The following PLCG2 variants were observed in gnomAD, a reference collection of about 807,000 sequenced individuals.
The protein encoded by PLCG2 is 1-phosphatidylinositol 4,5-bisphosphate phosphodiesterase gamma-2.
Under a neutral mutation model 175.6 loss-of-function variants are expected in PLCG2, and 69 were observed. The ratio of observed to expected loss-of-function variants is 0.39; its 90% CI spans 0.32 to 0.48. The LOEUF (loss-of-function observed/expected upper bound fraction) is 0.48. Among genes scored for constraint, PLCG2 ranks in the 20% least tolerant of loss-of-function variants. The probability of loss-of-function intolerance (pLI) is 0.91; values close to 1 mark genes in which losing one functional copy is unlikely to be tolerated. For missense variants in PLCG2, 1,798 were observed against 1,650.9 expected, an observed-to-expected ratio of 1.09 and a Z score of -1.54; for synonymous variants, 827 against 624.0, an observed-to-expected ratio of 1.33 and a Z score of -4.85.
intron 32 of PLCG2, 90 bp downstream of exon 32, chr16:81,956,969 T>C (rs1911597509): frequency 1.8e-6 from 2 of 1,123,348 alleles, no homozygotes; most frequent in Admixed American, 2.2e-5. Context: ...TGGAAAGCCC[T>C]CTGAGTTGCT....
intron 19 of PLCG2, among the ~76,000 whole-genome samples, chr16:81,913,524 C>T (rs561659928): frequency 1.3e-5 from 2 of 152,368 alleles, no homozygotes; most frequent in African/African-American, 4.8e-5. Flanking sequence ...TCTCCAAAGC[C>T]TAAGCTCTTC....
At chr16:81,878,982 G>C (rs540215386) in intron 7 of PLCG2, among the ~76,000 whole-genome samples, 62 of 152,144 alleles carry the variant, frequency 4.1e-4, no homozygotes, top group Non-Finnish European at 7.3e-4. Flanking sequence ...GCAGGGAGTT[G>C]CAAGACCTGG....
At position 81,753,342 on chromosome 16, in the gene PLCG2, GTTTTTTT is replaced by G. The variant is rs34438350; in HGVS notation, c.-144-2510_-144-2504del. Among the ~76,000 whole-genome samples the G allele has an allele frequency of 4.3e-4, 39 of 91,126 alleles. 1 individual carries two copies. In the East Asian group the frequency reaches 5.9e-3, roughly 14 times the overall value. The allele number at this position is 91,126 out of a possible 152,430, so 59.8% of individuals were successfully genotyped here. ...CAGCATTGTGTTAAAGTCCTGGCAG[GTTTTTTT>G]TTTTTTTTTTTTTTTTTGTATTCTG... On this transcript the variant is annotated intron_variant, in intron 1 of 5. Coordinates refer to the PLCG2 transcript ENST00000565054.
intron 13 of PLCG2, 140 bp from the exon 14 acceptor site, chr16:81,900,472 G>C: frequency 1.6e-6 from 1 of 635,384 alleles, no homozygotes; most frequent in Non-Finnish European, 2.6e-6. Flanking sequence ...CTCTCCTTCT[G>C]GGAGGGCAGA....
chr16:81,839,053 TA>T (rs1905682785), intron 2 of PLCG2, among the ~76,000 whole-genome samples: 1 of 152,156 alleles, frequency 6.6e-6, no homozygotes, highest in Admixed American at 6.5e-5. Context: ...AGCAGACAAC[TA>T]TTTCTAGGTA....
intron 5 of PLCG2, among the ~76,000 whole-genome samples, chr16:81,865,847 G>T (rs1260562414): frequency 6.9e-6 from 1 of 145,368 alleles, no homozygotes; most frequent in Non-Finnish European, 1.5e-5. Flanking sequence ...TTGCTCCCAG[G>T]GTGAGCTCCA....
intron 1 of PLCG2, among the ~76,000 whole-genome samples, chr16:81,742,778 C>T (rs1272858436): frequency 2.0e-5 from 3 of 152,204 alleles, no homozygotes; most frequent in Non-Finnish European, 2.9e-5. Context: ...CCGGGAGCCT[C>T]ACTTCCCATC....
intron 2 of PLCG2, among the ~76,000 whole-genome samples, chr16:81,762,156 C>T (rs1164483641): frequency 6.6e-6 from 1 of 152,022 alleles, no homozygotes; most frequent in Admixed American, 6.6e-5. Context: ...ACTCTGTTTG[C>T]TTTGTCACAT....
chr16:81,879,446 T>C (rs1907972956), intron 7 of PLCG2, among the ~76,000 whole-genome samples: 1 of 152,198 alleles, frequency 6.6e-6, no homozygotes, highest in Non-Finnish European at 1.5e-5. Context: ...TGGTGGGACC[T>C]ACTCCTTTGA....
At chr16:81,876,025 TTTTTTTTTTTTTG>T (rs1225611827) in intron 7 of PLCG2, among the ~76,000 whole-genome samples, 2 of 144,592 alleles carry the variant, frequency 1.4e-5, no homozygotes, top group African/African-American at 2.5e-5. Flanking sequence ...TCTTTTTTTT[TTTTTTTTTTTTTG>T]TTTTTGAGAC....
intron 5 of PLCG2, among the ~76,000 whole-genome samples, chr16:81,867,680 C>T (rs1395133606): frequency 2.0e-5 from 3 of 152,006 alleles, no homozygotes; most frequent in African/African-American, 7.2e-5. Context: ...GGGACGTGTT[C>T]TCCCTTGCTT....
chr16:81,891,743 G>A (rs1597111862), intron 11 of PLCG2, among the ~76,000 whole-genome samples, 153 bp downstream of exon 11: 1 of 152,284 alleles, frequency 6.6e-6, no homozygotes, highest in East Asian at 1.9e-4. Context: ...AGAAGCTTCT[G>A]GAAGGGGCTG....
At position 81,962,460 on chromosome 16, in the gene PLCG2, G is replaced by GC. The variant is rs1431968348; in HGVS notation, c.*4464dup. 3 of 215,198 alleles carry GC rather than the reference G, an allele frequency of 1.4e-5. No homozygotes were observed. Among genetic ancestry groups the GC allele is most frequent in the Admixed American group, 5.8e-5 (1 of 17,142 alleles). 13.3% of individuals were successfully genotyped at this position (215,198 alleles called of 1,614,324 possible). A position where few individuals can be genotyped will look rare whatever the true frequency, so the allele number is the denominator to read the frequency against. On this transcript the variant is annotated 3_prime_UTR_variant, in exon 33 of 33. Coordinates refer to ENST00000564138, the MANE Select transcript of PLCG2 (RefSeq NM_002661.5). Reference sequence around the variant, plus strand: ...TGAAGAGCCAGATTCCAGTGATCCTGCCTCTCAGAAATTTCCACATTTCTT... The same window carrying GC: ...TGAAGAGCCAGATTCCAGTGATCCTGCCCTCTCAGAAATTTCCACATTTCTT...
chr16:81,912,804 C>A (rs772711027), intron 19 of PLCG2, 88 bp downstream of exon 19: 7 of 1,432,244 alleles, frequency 4.9e-6, no homozygotes, highest in African/African-American at 1.4e-5. Flanking sequence ...CAGGTGGAGG[C>A]TCACCTGCAG....
At chr16:81,812,855 G>C (rs1024571159) in intron 2 of PLCG2, among the ~76,000 whole-genome samples, 1 of 152,094 alleles carries the variant, frequency 6.6e-6, no homozygotes, top group African/African-American at 2.4e-5. Context: ...TTTTGTATAA[G>C]GTGTAAGGAA....
chr16:81,895,743 G>T (rs1426811284), intron 12 of PLCG2, 64 bp from the exon 13 acceptor site: 1 of 1,596,144 alleles, frequency 6.3e-7, no homozygotes, highest in Non-Finnish European at 8.6e-7. Context: ...TGTGGGCCGG[G>T]GGCTGACCTC....
At chr16:81,954,142 C>T (rs553882011) in intron 31 of PLCG2, among the ~76,000 whole-genome samples, 554 of 152,224 alleles carry the variant, frequency 3.6e-3, no homozygotes, top group Non-Finnish European at 5.1e-3. Flanking sequence ...ACCCTCTCAG[C>T]CTCCTGAATA....
At chr16:81,785,411 T>G (rs1910924243) in intron 1 of PLCG2, among the ~76,000 whole-genome samples, 1 of 152,186 alleles carries the variant, frequency 6.6e-6, no homozygotes. Flanking sequence ...TTTCCTGCCT[T>G]TCATCCTCAT....
chr16:81,881,033 A>T, intron 8 of PLCG2, 80 bp downstream of exon 8: 1 of 1,422,230 alleles, frequency 7.0e-7, no homozygotes, highest in Non-Finnish European at 9.9e-7. Flanking sequence ...CCAGGAGGGG[A>T]TGCCTGTGTG....
Sources: gnomAD v4.1 joint callset for allele counts (sites outside exome capture counted in the v4.1 genomes callset) on GRCh38, gnomAD v4.1.1 for gene constraint, MANE v1.5 for transcripts, NCBI Gene and HGNC (gene_info 2026-07-23, HGNC 2026-07-21) for gene names.